The following ATP8A2 variants were observed in gnomAD, a reference collection of about 807,000 sequenced individuals.
The protein encoded by ATP8A2 is phospholipid-transporting ATPase IB.
In ATP8A2, 100 loss-of-function variants were observed where a neutral mutation model predicts 165.6. The ratio of observed to expected loss-of-function variants is 0.60; its 90% CI spans 0.51 to 0.71. The LOEUF is 0.71. Ranked by LOEUF, ATP8A2 falls within the 30% of genes least tolerant of loss-of-function variation. The pLI is 0.00. For missense variants in ATP8A2, 1,227 were observed against 1,479.5 expected, an observed-to-expected ratio of 0.83 and a Z score of 2.80; for synonymous variants, 543 against 548.8, an observed-to-expected ratio of 0.99 and a Z score of 0.15.
intron 1 of ATP8A2, among the ~76,000 whole-genome samples, chr13:25,444,016 C>T (rs2035002096): frequency 6.6e-6 from 1 of 152,158 alleles, no homozygotes. Flanking sequence ...CTGTGACTAA[C>T]ACCCAAATAA....
chr13:25,611,866 G>A lies in ATP8A2; in HGVS notation c.2211+22167G>A, dbSNP rs144553071. ...TATTTATTCCTGGTTTAATCTAGGAGGGTTGTATTTTTCCAGTAATTTATC... is the reference window on the plus strand; with the variant it reads ...TATTTATTCCTGGTTTAATCTAGGAAGGTTGTATTTTTCCAGTAATTTATC... On this transcript the variant is annotated intron_variant, in intron 24 of 36. Coordinates refer to ENST00000381655, the MANE Select transcript of ATP8A2 (RefSeq NM_016529.6). Among the ~76,000 whole-genome samples the A allele has an allele frequency of 1.2e-3, 179 of 152,134 alleles. 1 individual carries two copies. The highest frequency in any genetic ancestry group is 4.1e-3 in the African/African-American group (172 of 41,530).
chr13:25,901,804 A>T (rs1439979975), intron 33 of ATP8A2, among the ~76,000 whole-genome samples: 1 of 152,218 alleles, frequency 6.6e-6, no homozygotes, highest in Non-Finnish European at 1.5e-5. Flanking sequence ...AACTATCTCT[A>T]AACAGGATGT....
chr13:25,667,128 C>T (rs2040363358), intron 24 of ATP8A2, among the ~76,000 whole-genome samples: 2 of 152,110 alleles, frequency 1.3e-5, no homozygotes, highest in South Asian at 4.1e-4. Flanking sequence ...AATCCTGTAT[C>T]CATTAAACAG....
At chr13:25,995,471 C>A (rs1483994192) in intron 35 of ATP8A2, among the ~76,000 whole-genome samples, 1 of 151,558 alleles carries the variant, frequency 6.6e-6, no homozygotes, top group African/African-American at 2.4e-5. Context: ...ACTGTTTTAA[C>A]CATGTACCAC....
chr13:26,019,212 G>A (rs983123908), intron 36 of ATP8A2, among the ~76,000 whole-genome samples: 1 of 151,904 alleles, frequency 6.6e-6, no homozygotes, highest in Admixed American at 6.6e-5. Flanking sequence ...TGGCCAACAT[G>A]GTGAAACCCC....
chr13:25,808,883 A>G (rs892987962), intron 27 of ATP8A2, among the ~76,000 whole-genome samples: 11 of 152,190 alleles, frequency 7.2e-5, no homozygotes, highest in African/African-American at 2.7e-4. Flanking sequence ...TGAGAAGCAA[A>G]CTGGCAATCC....
chr13:25,679,006 A>C (rs1464811615), intron 24 of ATP8A2, among the ~76,000 whole-genome samples: 1 of 152,206 alleles, frequency 6.6e-6, no homozygotes, highest in African/African-American at 2.4e-5. Flanking sequence ...ATGAATCAAG[A>C]ATATGATAAT....
intron 33 of ATP8A2, among the ~76,000 whole-genome samples, chr13:25,932,301 A>G (rs1277280440): frequency 6.6e-6 from 1 of 152,202 alleles, no homozygotes; most frequent in Non-Finnish European, 1.5e-5. Flanking sequence ...GATTAGCCAG[A>G]GAAGAAACGC....
intron 1 of ATP8A2, among the ~76,000 whole-genome samples, chr13:25,407,231 G>C (rs879027426): frequency 4.6e-5 from 7 of 152,206 alleles, no homozygotes; most frequent in Non-Finnish European, 1.0e-4. Flanking sequence ...GGAAAGCTGT[G>C]CAGTTTGGGG....
At chr13:25,868,475 C>G (rs640860) in intron 33 of ATP8A2, among the ~76,000 whole-genome samples, 1,690 of 152,296 alleles carry the variant, frequency 0.011, 30 homozygotes, top group African/African-American at 0.039. Context: ...AACATCGTGA[C>G]ATCTTTTTGT....
At chr13:25,877,803 C>G (rs1472367615) in intron 33 of ATP8A2, among the ~76,000 whole-genome samples, 1 of 152,176 alleles carries the variant, frequency 6.6e-6, no homozygotes, top group African/African-American at 2.4e-5. Flanking sequence ...GTATAAGCCC[C>G]CAAGCCCTTC....
intron 36 of ATP8A2, among the ~76,000 whole-genome samples, chr13:26,019,038 C>A (rs568639108): frequency 4.5e-4 from 68 of 152,130 alleles, no homozygotes; most frequent in Non-Finnish European, 7.9e-4. Context: ...TATTGTGTAA[C>A]CTTTTTCTTT....
intron 27 of ATP8A2, among the ~76,000 whole-genome samples, chr13:25,797,010 A>G (rs932947101): frequency 2.0e-5 from 3 of 152,194 alleles, no homozygotes; most frequent in Non-Finnish European, 2.9e-5. Context: ...GCTCATGCCT[A>G]TAATCCCAAC....
intron 33 of ATP8A2, among the ~76,000 whole-genome samples, chr13:25,881,291 A>C (rs947819525): frequency 6.6e-6 from 1 of 152,264 alleles, no homozygotes; most frequent in Middle Eastern, 3.4e-3. Context: ...AGCTGCTTGC[A>C]CTCTGACTTT....
chr13:25,736,482 G>C (rs995416309), intron 25 of ATP8A2, among the ~76,000 whole-genome samples: 1 of 152,204 alleles, frequency 6.6e-6, no homozygotes. Context: ...TTTCAGAGGG[G>C]CCTGTGAGGT....
chr13:25,910,877 G>A (rs1215291526), intron 33 of ATP8A2, among the ~76,000 whole-genome samples: 1 of 151,716 alleles, frequency 6.6e-6, no homozygotes, highest in African/African-American at 2.4e-5. Context: ...AAGTCCGCCT[G>A]AGAGATTTGT....
chr13:25,752,675 C>T (rs532600203), intron 25 of ATP8A2, among the ~76,000 whole-genome samples: 193 of 152,232 alleles, frequency 1.3e-3, no homozygotes, highest in African/African-American at 4.4e-3. Context: ...AGTGCAGTGG[C>T]AGTGCAAGCA....
intron 33 of ATP8A2, among the ~76,000 whole-genome samples, chr13:25,936,071 T>G (rs980611889): frequency 1.9e-4 from 29 of 152,208 alleles, no homozygotes; most frequent in African/African-American, 6.5e-4. Flanking sequence ...GGTATGTCAT[T>G]CATCAAGTAC....
At chr13:25,673,607 C>G (rs1243013676) in intron 24 of ATP8A2, among the ~76,000 whole-genome samples, 1 of 152,164 alleles carries the variant, frequency 6.6e-6, no homozygotes, top group East Asian at 1.9e-4. Flanking sequence ...TACGCTGACT[C>G]GTTTCTCTAC....
Sources: gnomAD v4.1 joint callset for allele counts (sites outside exome capture counted in the v4.1 genomes callset) on GRCh38, gnomAD v4.1.1 for gene constraint, MANE v1.5 for transcripts, NCBI Gene and HGNC (gene_info 2026-07-23, HGNC 2026-07-21) for gene names.